Variants in SCN1A observed in about 807,000 individuals in gnomAD.
The protein encoded by SCN1A is sodium channel protein type 1 subunit alpha.
Under a neutral mutation model 193.7 loss-of-function variants are expected in SCN1A, and 13 were observed. The observed-to-expected ratio is 0.07, with a 90% CI of 0.04 to 0.11. The LOEUF (loss-of-function observed/expected upper bound fraction) is 0.11, where lower values mean the gene tolerates loss of function less well. Among genes scored for constraint, SCN1A ranks in the 10% least tolerant of loss-of-function variants. The pLI, the probability that SCN1A is intolerant of heterozygous loss-of-function variation, is 1.00. For missense variants in SCN1A, 1,432 were observed against 2,451.1 expected, an observed-to-expected ratio of 0.58 and a Z score of 8.78; for synonymous variants, 781 against 843.6, an observed-to-expected ratio of 0.93 and a Z score of 1.29.
intron 8 of SCN1A, among the ~76,000 whole-genome samples, 174 bp downstream of exon 8, chr2:166,052,678 C>T (rs1441197165): frequency 6.6e-6 from 1 of 151,396 alleles, no homozygotes; most frequent in Non-Finnish European, 1.5e-5. Flanking sequence ...CAGTATCTCA[C>T]ATAAGACATT....
intron 2 of SCN1A, among the ~76,000 whole-genome samples, chr2:166,112,877 G>A (rs1392192394): frequency 6.6e-6 from 1 of 152,122 alleles, no homozygotes; most frequent in African/African-American, 2.4e-5. Flanking sequence ...TACATAATGA[G>A]ACCTCCATAA....
chr2:166,069,557 G>A (rs1574351493), intron 4 of SCN1A, among the ~76,000 whole-genome samples: 1 of 152,322 alleles, frequency 6.6e-6, no homozygotes. Flanking sequence ...ATTACAGAGA[G>A]CTTCAGTGTG....
At chr2:166,020,790 A>G (rs1000476515) in intron 19 of SCN1A, among the ~76,000 whole-genome samples, 22 of 152,286 alleles carry the variant, frequency 1.4e-4, no homozygotes, top group Middle Eastern at 3.4e-3. Context: ...AGGTTGCTTT[A>G]TATGATTCGT....
chr2:166,052,878 G>A lies in SCN1A; in HGVS notation c.668C>T (p.Ala223Val). The part of the protein sequence containing the change: ...SALRTFRVLR[A>V]LKTISVIPGL... Reference sequence around the variant, plus strand: ...TGGAATGACTGAAATCGTCTTCAATGCTCGGAGAACTCTGAATGTTCTCAA... The same window carrying A: ...TGGAATGACTGAAATCGTCTTCAATACTCGGAGAACTCTGAATGTTCTCAA... Residue 223 changes from alanine (A) to valine (V), a missense_variant, in exon 8 of 29, where the codon GCA becomes GTA. Ala to Val is a moderately conservative substitution (Grantham distance 64). This residue lies in a region of SCN1A where 123 missense variants were observed against 282.8 expected (regional missense o/e 0.43). Coordinates refer to ENST00000674923, the MANE Select transcript of SCN1A (RefSeq NM_001165963.4). 1 of 1,612,386 alleles carries A rather than the reference G, an allele frequency of 6.2e-7. No homozygotes were observed. The highest frequency in any genetic ancestry group is 8.5e-7 in the Non-Finnish European group (1 of 1,179,026).
intron 1 of SCN1A, among the ~76,000 whole-genome samples, chr2:166,133,523 A>G (rs1373237336): frequency 6.6e-6 from 1 of 152,150 alleles, no homozygotes; most frequent in Non-Finnish European, 1.5e-5. Context: ...TCACAAAATT[A>G]CTTTTTATCA....
chr2:166,015,677 G>T lies in SCN1A; in HGVS notation c.3480C>A (p.Gly1160=), dbSNP rs369594817. ...CTACGGGCTGTTCTTCTACAGGTGC[G>T]CCGATGTCCACAGTGCTACCTTCTG... ...SSSEGSTVDI[G]APVEEQPVVE... Residue 1160 remains glycine, a synonymous_variant, in exon 20 of 29, where the codon GGC becomes GGA. Coordinates refer to ENST00000674923, the MANE Select transcript of SCN1A (RefSeq NM_001165963.4). 4.3e-5 allele frequency: 70 copies of T among 1,612,696 alleles called. No individual in the cohort carries two copies. The highest frequency in any genetic ancestry group is 5.7e-5 in the Non-Finnish European group (67 of 1,179,036).
intron 13 of SCN1A, 118 bp downstream of exon 13, chr2:166,044,925 A>G: frequency 3.6e-6 from 4 of 1,111,862 alleles, no homozygotes; most frequent in Non-Finnish European, 5.4e-6. Flanking sequence ...GGGTTTAAAT[A>G]TAACACAACA....
chr2:166,032,057 G>T (rs1324602058), intron 19 of SCN1A, among the ~76,000 whole-genome samples: 2 of 151,998 alleles, frequency 1.3e-5, no homozygotes, highest in Non-Finnish European at 2.9e-5. Context: ...ATGATGCATT[G>T]TAGATAAGTC....
chr2:166,085,743 T>C (rs938419781), intron 2 of SCN1A, among the ~76,000 whole-genome samples: 3 of 152,100 alleles, frequency 2.0e-5, no homozygotes, highest in Non-Finnish European at 4.4e-5. Context: ...CCCTGAGTTA[T>C]GAAAAATTGA....
At chr2:166,056,544 A>C in intron 5 of SCN1A, 44 bp from the exon 6 acceptor site, 1 of 1,371,840 alleles carries the variant, frequency 7.3e-7, no homozygotes, top group Non-Finnish European at 1.0e-6. Context: ...TCAAAATCCA[A>C]GTGTTATATT....
intron 1 of SCN1A, among the ~76,000 whole-genome samples, chr2:166,138,407 T>C (rs1691948996): frequency 6.6e-6 from 1 of 152,208 alleles, no homozygotes; most frequent in African/African-American, 2.4e-5. Context: ...TCCCATGCTG[T>C]ATGCAGCCTA....
chr2:166,100,751 T>A (rs1687957532), intron 2 of SCN1A, among the ~76,000 whole-genome samples: 1 of 124,884 alleles, frequency 8.0e-6, no homozygotes, highest in African/African-American at 3.0e-5. Context: ...AAAAAACACA[T>A]GAAAAAATGC....
At chr2:166,058,454 T>G in intron 5 of SCN1A, 116 bp downstream of exon 5, 1 of 611,848 alleles carries the variant, frequency 1.6e-6, no homozygotes, top group Non-Finnish European at 2.9e-6. Flanking sequence ...AGATGCAAAA[T>G]GAGAGTGATG....
Position 166,047,550 on chromosome 2 carries a change from C to T in SCN1A, c.1170+77G>A, listed in dbSNP as rs202071360. ...CTGCTCTTTCTACTATATTATCATCCGGTTTTAATTTCATAACTCAATTGG... is the reference window on the plus strand; with the variant it reads ...CTGCTCTTTCTACTATATTATCATCTGGTTTTAATTTCATAACTCAATTGG... On this transcript the variant is annotated intron_variant, in intron 11 of 28. Transcript: ENST00000674923. 1.8e-4 allele frequency: 264 copies of T among 1,502,194 alleles called. 1 individual carries two copies. Among genetic ancestry groups the T allele is most frequent in the Middle Eastern group, 7.7e-4 (4 of 5,182 alleles). The allele number at this position is 1,502,194 out of a possible 1,614,324, so 93.1% of individuals were successfully genotyped here.
intron 1 of SCN1A, among the ~76,000 whole-genome samples, chr2:166,145,767 C>T (rs901411748): frequency 2.0e-5 from 3 of 152,160 alleles, no homozygotes; most frequent in Admixed American, 2.0e-4. Context: ...GATTTTATAA[C>T]TTTATGATTA....
chr2:166,042,241 A>G, intron 15 of SCN1A, 51 bp downstream of exon 15: 3 of 1,567,554 alleles, frequency 1.9e-6, no homozygotes, highest in Non-Finnish European at 1.8e-6. Context: ...GAAATGAGAC[A>G]ATATAAGTTT....
At chr2:166,023,780 TG>T (rs1179809826) in intron 19 of SCN1A, among the ~76,000 whole-genome samples, 3 of 150,694 alleles carry the variant, frequency 2.0e-5, no homozygotes, top group African/African-American at 7.4e-5. Context: ...AAAAAAATGA[TG>T]TTTTTTTTTT....
chr2:165,999,959 A>G, intron 24 of SCN1A, 183 bp from the exon 25 acceptor site: 2 of 622,272 alleles, frequency 3.2e-6, no homozygotes, highest in Non-Finnish European at 5.8e-6. Context: ...TCTAGAACAC[A>G]TATTGAACAA....
Position 166,058,733 on chromosome 2 carries a change from C to T in SCN1A, c.265-45G>A, listed in dbSNP as rs752789580. 7.6e-6 allele frequency: 8 copies of T among 1,050,038 alleles called. No homozygotes were observed. In the African/African-American group the frequency reaches 9.4e-5, roughly 12 times the overall value. 65.0% of individuals were successfully genotyped at this position (1,050,038 alleles called of 1,614,324 possible). Reference sequence around the variant, plus strand: ...CATAGAAGTATGAAAGTATAAACCACTTAAACTCTGTTATCTACTTTCTGT... The same window carrying T: ...CATAGAAGTATGAAAGTATAAACCATTTAAACTCTGTTATCTACTTTCTGT... On this transcript the variant is annotated intron_variant, in intron 4 of 28. Coordinates refer to ENST00000674923, the MANE Select transcript of SCN1A (RefSeq NM_001165963.4).
Sources: allele counts gnomAD v4.1 joint callset (sites outside exome capture counted in the v4.1 genomes callset), GRCh38; gene constraint gnomAD v4.1.1; regional missense constraint gnomAD v4.1.1; transcripts MANE v1.5; gene names NCBI Gene and HGNC (gene_info 2026-07-23, HGNC 2026-07-21).